The following ANKH variants were observed in gnomAD, a reference collection of about 807,000 sequenced individuals.
ANKH encodes ANKH inorganic pyrophosphate transport regulator, also known as mineralization regulator ANKH.
A neutral mutation model predicts 49.0 loss-of-function variants in ANKH; 15 were observed. That is an observed-to-expected ratio of 0.31 (90% CI 0.20 to 0.47). ANKH has a LOEUF of 0.47. Among genes scored for constraint, ANKH ranks in the 20% least tolerant of loss-of-function variants. The pLI, the probability that ANKH is intolerant of heterozygous loss-of-function variation, is 1.00. For synonymous variants in ANKH, 273 were observed against 260.0 expected (o/e 1.05, Z -0.48); for missense variants, 429 against 652.0 (o/e 0.66, Z 3.72).
At chr5:14,782,124 A>C (rs1739826958) in intron 1 of ANKH, among the ~76,000 whole-genome samples, 1 of 152,158 alleles carries the variant, frequency 6.6e-6, no homozygotes. Context: ...TGTGTCGTCT[A>C]CTGCCTTCCA....
intron 6 of ANKH, 30 bp downstream of exon 6, chr5:14,749,142 T>C (rs761437772): frequency 1.2e-6 from 2 of 1,613,844 alleles, no homozygotes; most frequent in South Asian, 2.2e-5. Context: ...AAGGTGATCA[T>C]AAGCCCCACA....
Position 14,707,276 on chromosome 5 carries a change from C to T in ANKH, c.*3921G>A, listed in dbSNP as rs573649187. ...CTATTTTGTGGAACACACGCACACTCGCACTTCAGTTTGAAGGGGGAAAAA... is the reference window on the plus strand; with the variant it reads ...CTATTTTGTGGAACACACGCACACTTGCACTTCAGTTTGAAGGGGGAAAAA... On this transcript the variant is annotated 3_prime_UTR_variant, in exon 12 of 12. Coordinates refer to ENST00000284268, the MANE Select transcript of ANKH (RefSeq NM_054027.6). 7 of 121,396 alleles carry T rather than the reference C, an allele frequency of 5.8e-5. No homozygotes were observed. In the East Asian group the frequency reaches 1.0e-3, roughly 17 times the overall value. 7.5% of individuals were successfully genotyped at this position (121,396 alleles called of 1,614,324 possible).
intron 1 of ANKH, among the ~76,000 whole-genome samples, chr5:14,846,877 A>G (rs1203084495): frequency 6.6e-6 from 1 of 151,968 alleles, no homozygotes; most frequent in African/African-American, 2.4e-5. Context: ...GCATGGTGTT[A>G]TGCACCTGTA....
At chr5:14,835,084 T>C (rs1049493289) in intron 1 of ANKH, among the ~76,000 whole-genome samples, 1 of 152,248 alleles carries the variant, frequency 6.6e-6, no homozygotes. Flanking sequence ...TTACTTCTGA[T>C]ACTAGTACAA....
At position 14,706,030 on chromosome 5, in the gene ANKH, T is replaced by A. The variant is rs1736935187; in HGVS notation, c.*5167A>T. 6.6e-6 allele frequency: 1 copy of A among 152,192 alleles called. No homozygotes were observed. The highest frequency in any genetic ancestry group is 1.5e-5 in the Non-Finnish European group (1 of 68,038). The allele number at this position is 152,192 out of a possible 1,614,324, so 9.4% of individuals were successfully genotyped here. On this transcript the variant is annotated 3_prime_UTR_variant, in exon 12 of 12. Coordinates refer to ENST00000284268, the MANE Select transcript of ANKH (RefSeq NM_054027.6). ...TTCCATGAGGTTGTACAGTGAGTGG[T>A]ACAACCATTTTTAGCTGGTCTGTCC...
At chr5:14,790,767 C>A (rs1008431159) in intron 1 of ANKH, among the ~76,000 whole-genome samples, 4 of 152,108 alleles carry the variant, frequency 2.6e-5, no homozygotes, top group Admixed American at 1.3e-4. Context: ...CGTCACCATG[C>A]CCAGTTAATT....
intron 5 of ANKH, 90 bp downstream of exon 5, chr5:14,750,979 G>T: frequency 6.6e-7 from 1 of 1,521,910 alleles, no homozygotes; most frequent in Non-Finnish European, 9.1e-7. Flanking sequence ...ATGTTTTGAT[G>T]TCACTGATTT....
At chr5:14,810,376 C>A (rs1352052730) in intron 1 of ANKH, among the ~76,000 whole-genome samples, 1 of 152,114 alleles carries the variant, frequency 6.6e-6, no homozygotes, top group African/African-American at 2.4e-5. Context: ...GCAGGATGGT[C>A]TCAAACTCCT....
intron 1 of ANKH, among the ~76,000 whole-genome samples, chr5:14,839,412 A>C (rs1226906317): frequency 6.6e-6 from 1 of 151,956 alleles, no homozygotes; most frequent in Non-Finnish European, 1.5e-5. Flanking sequence ...GTTTTGGCTC[A>C]ATGTCTTACT....
intron 1 of ANKH, among the ~76,000 whole-genome samples, chr5:14,787,841 C>T (rs1740029339): frequency 6.6e-6 from 1 of 152,170 alleles, no homozygotes. Context: ...AGGCTACATA[C>T]TAGGAGTTAT....
chr5:14,843,334 C>T (rs1055436279), intron 1 of ANKH, among the ~76,000 whole-genome samples: 1 of 151,908 alleles, frequency 6.6e-6, no homozygotes, highest in African/African-American at 2.4e-5. Flanking sequence ...TGCCACCACA[C>T]CTGGCTAATT....
At chr5:14,792,886 A>G (rs1740213393) in intron 1 of ANKH, among the ~76,000 whole-genome samples, 1 of 149,344 alleles carries the variant, frequency 6.7e-6, no homozygotes, top group Admixed American at 6.8e-5. Flanking sequence ...CTGAGGCAGG[A>G]GAATCGCTTG....
chr5:14,851,739 A>T (rs1176546822), intron 1 of ANKH, among the ~76,000 whole-genome samples: 1 of 152,236 alleles, frequency 6.6e-6, no homozygotes, highest in Non-Finnish European at 1.5e-5. Context: ...TAAGCATTGG[A>T]TGTAACATAC....
intron 1 of ANKH, among the ~76,000 whole-genome samples, chr5:14,849,397 T>C (rs1379779190): frequency 6.6e-6 from 1 of 152,200 alleles, no homozygotes; most frequent in Non-Finnish European, 1.5e-5. Flanking sequence ...ATACATGTAT[T>C]CCATAAACTG....
intron 1 of ANKH, among the ~76,000 whole-genome samples, chr5:14,832,147 A>G (rs1741524697): frequency 6.6e-6 from 1 of 152,172 alleles, no homozygotes; most frequent in African/African-American, 2.4e-5. Context: ...TGGTTTATAT[A>G]TATATATTTT....
At chr5:14,791,737 T>C (rs1461790249) in intron 1 of ANKH, among the ~76,000 whole-genome samples, 1 of 152,198 alleles carries the variant, frequency 6.6e-6, no homozygotes, top group Non-Finnish European at 1.5e-5. Flanking sequence ...CTTCCAGTGA[T>C]AGCTCATGAA....
intron 1 of ANKH, among the ~76,000 whole-genome samples, chr5:14,835,599 C>A (rs1279015259): frequency 6.6e-6 from 1 of 152,144 alleles, no homozygotes; most frequent in African/African-American, 2.4e-5. Context: ...GGCAGATGCT[C>A]CTGCTGGCTA....
intron 8 of ANKH, among the ~76,000 whole-genome samples, chr5:14,730,175 C>G (rs966464184): frequency 9.8e-5 from 15 of 152,294 alleles, no homozygotes; most frequent in African/African-American, 3.6e-4. Flanking sequence ...AGCCCCTCTC[C>G]TCTCTGGCAG....
intron 8 of ANKH, among the ~76,000 whole-genome samples, chr5:14,717,909 G>C (rs1347722715): frequency 6.6e-6 from 1 of 152,162 alleles, no homozygotes; most frequent in Non-Finnish European, 1.5e-5. Flanking sequence ...GAGCATTTTG[G>C]ATTTTCGATT....
Sources: allele counts gnomAD v4.1 joint callset (sites outside exome capture counted in the v4.1 genomes callset), GRCh38; gene constraint gnomAD v4.1.1; transcripts MANE v1.5; gene names NCBI Gene and HGNC (gene_info 2026-07-23, HGNC 2026-07-21).